The following CPLANE1 variants were observed in gnomAD, a reference collection of about 807,000 sequenced individuals.
The protein encoded by CPLANE1 is ciliogenesis and planar polarity effector complex subunit 1.
A neutral mutation model predicts 362.5 loss-of-function variants in CPLANE1; 263 were observed. That is an observed-to-expected ratio of 0.73 (90% confidence interval 0.66 to 0.80). The LOEUF (loss-of-function observed/expected upper bound fraction) is 0.80. Ranked by LOEUF, CPLANE1 falls within the 30% of genes least tolerant of loss-of-function variation. The pLI is 0.00. For missense variants in CPLANE1, 3,461 were observed against 3,793.4 expected, an observed-to-expected ratio of 0.91 and a Z score of 2.30; for synonymous variants, 1,212 against 1,302.6, an observed-to-expected ratio of 0.93 and a Z score of 1.50.
intron 47 of CPLANE1, 174 bp downstream of exon 47, chr5:37,125,070 C>A: frequency 1.5e-6 from 2 of 1,367,536 alleles, no homozygotes; most frequent in Non-Finnish European, 1.9e-6. Context: ...GCACAATATG[C>A]TGCAACATTT....
intron 21 of CPLANE1, among the ~76,000 whole-genome samples, chr5:37,192,722 G>A (rs1785929841): frequency 2.0e-5 from 3 of 151,384 alleles, no homozygotes; most frequent in African/African-American, 7.3e-5. Flanking sequence ...AAATTAGCTG[G>A]GTGTGGTGGC....
chr5:37,186,408 A>T lies in CPLANE1; in HGVS notation c.4081-14T>A, dbSNP rs1784001021. ...AATTTCTGCTACCTTCAGAAAAAAAATTGTTTAAGTTTTATGAGAAACATC... is the reference window on the plus strand; with the variant it reads ...AATTTCTGCTACCTTCAGAAAAAAATTTGTTTAAGTTTTATGAGAAACATC... On this transcript the variant is annotated splice_polypyrimidine_tract_variant and intron_variant, in intron 23 of 52. Coordinates refer to ENST00000651892, the MANE Select transcript of CPLANE1 (RefSeq NM_001384732.1). The T allele has an allele frequency of 8.1e-7, 1 of 1,240,028 alleles. No individual in the cohort carries two copies. Among genetic ancestry groups the T allele is most frequent in the Non-Finnish European group, 1.2e-6 (1 of 846,562 alleles). 76.8% of individuals were successfully genotyped at this position (1,240,028 alleles called of 1,614,324 possible).
At chr5:37,185,168 C>A (rs888255700) in intron 24 of CPLANE1, 89 bp from the exon 25 acceptor site, 19 of 1,171,898 alleles carry the variant, frequency 1.6e-5, no homozygotes, top group Non-Finnish European at 2.1e-5. Flanking sequence ...CTCCTGGGGA[C>A]AAGAAACCTA....
At chr5:37,223,248 C>A (rs1003280394) in intron 14 of CPLANE1, among the ~76,000 whole-genome samples, 17 of 152,266 alleles carry the variant, frequency 1.1e-4, no homozygotes, top group African/African-American at 4.1e-4. Flanking sequence ...CCTTAATTGG[C>A]CAATCTCTAC....
rs1294490556 is a variant in CPLANE1 at position 37,221,759 on chromosome 5, G to A, written c.2582-271C>T. Among the ~76,000 whole-genome samples, 3 of 152,188 alleles carry A rather than the reference G, an allele frequency of 2.0e-5. No individual in the cohort carries two copies. In the East Asian group the frequency reaches 5.8e-4, roughly 29 times the overall value. On this transcript the variant is annotated intron_variant, in intron 14 of 52. Transcript: ENST00000651892. ...ACCAGCAGTTTCAGTCTTCAGATAT[G>A]TAAAGGCAGTTGTCAGGGGCTCCTA...
rs544240879 is a variant in CPLANE1, at chr5:37,207,641, C to T, written c.2921-1216G>A. Among the ~76,000 whole-genome samples the T allele has an allele frequency of 2.6e-5, 4 of 152,276 alleles. No individual in the cohort carries two copies. In the South Asian group the frequency reaches 8.3e-4, roughly 32 times the overall value. On this transcript the variant is annotated intron_variant, in intron 16 of 52. Coordinates refer to ENST00000651892, the MANE Select transcript of CPLANE1 (RefSeq NM_001384732.1). ...TTCACAGAACATAGGAGTTTGAACA[C>T]ATAGTTCAAAATCCATGGTTCTACG...
At chr5:37,166,226 T>C (rs536711248) in intron 35 of CPLANE1, among the ~76,000 whole-genome samples, 1 of 152,316 alleles carries the variant, frequency 6.6e-6, no homozygotes, top group Admixed American at 6.5e-5. Flanking sequence ...AATCAATATA[T>C]GCGGTAAAAC....
the CPLANE1 span, among the ~76,000 whole-genome samples, chr5:37,091,017 C>A: frequency 6.6e-6 from 1 of 152,226 alleles, no homozygotes; most frequent in East Asian, 1.9e-4. Flanking sequence ...ACTGCTTGAC[C>A]AAGCCACCCA....
At chr5:37,227,930 T>TA (rs1796814733) in intron 9 of CPLANE1, 113 bp from the exon 10 acceptor site, 15 of 964,720 alleles carry the variant, frequency 1.6e-5, no homozygotes, top group Non-Finnish European at 2.2e-5. Context: ...AGCAAGCAAG[T>TA]GAAACACACA....
intron 16 of CPLANE1, chr5:37,211,327 G>A: frequency 6.6e-7 from 1 of 1,506,972 alleles, no homozygotes; most frequent in South Asian, 1.3e-5. Flanking sequence ...TACCATCGGA[G>A]AGACATTAAA....
At chr5:37,231,977 A>G (rs13171414) in intron 8 of CPLANE1, among the ~76,000 whole-genome samples, 27,295 of 152,050 alleles carry the variant, frequency 0.18, 2,884 homozygotes, top group East Asian at 0.34. Flanking sequence ...AAATTTACCA[A>G]AGAGAAAGGA....
the CPLANE1 span, among the ~76,000 whole-genome samples, chr5:37,078,441 G>A: frequency 1.3e-5 from 2 of 152,026 alleles, no homozygotes; most frequent in African/African-American, 4.8e-5. Flanking sequence ...TATTTTATTT[G>A]TCCAGTCTAT....
intron 9 of CPLANE1, among the ~76,000 whole-genome samples, chr5:37,229,982 G>GCC (rs1797345580): frequency 6.6e-6 from 1 of 151,960 alleles, no homozygotes; most frequent in Non-Finnish European, 1.5e-5. Context: ...TTCCAGACCA[G>GCC]CCTGACCAAC....
Position 37,206,194 on chromosome 5 carries a change from T to C in CPLANE1, c.3149+3A>G, listed in dbSNP as rs1274755573. ...TATCTTAAAATTGCCTAAAAATCCA[T>C]ACCTCATGAAATTGCTATCACGTTT... On this transcript the variant is annotated splice_donor_region_variant and intron_variant, in intron 17 of 52. Coordinates refer to ENST00000651892, the MANE Select transcript of CPLANE1 (RefSeq NM_001384732.1). 1.3e-6 allele frequency: 2 copies of C among 1,541,190 alleles called. No homozygotes were observed. Among genetic ancestry groups the C allele is most frequent in the African/African-American group, 1.4e-5 (1 of 72,748 alleles).
At chr5:37,182,196 TACACACACACAC>T (rs886236800) in intron 26 of CPLANE1, among the ~76,000 whole-genome samples, 1 of 151,788 alleles carries the variant, frequency 6.6e-6, no homozygotes, top group Admixed American at 6.6e-5. Context: ...CACACACACA[TACACACACACAC>T]TCACATCCTT....
intron 16 of CPLANE1, chr5:37,211,647 G>T: frequency 2.5e-6 from 2 of 808,442 alleles, no homozygotes; most frequent in Non-Finnish European, 2.2e-6. Flanking sequence ...ATCACACATT[G>T]CTTCCCCCAG....
intron 6 of CPLANE1, among the ~76,000 whole-genome samples, chr5:37,241,360 C>T (rs1400965245): frequency 6.6e-6 from 1 of 152,088 alleles, no homozygotes; most frequent in Non-Finnish European, 1.5e-5. Flanking sequence ...GAGGCTGAGA[C>T]AGGAGAATCG....
chr5:37,243,168 A>C (rs1800947841), intron 5 of CPLANE1, 49 bp from the exon 6 acceptor site: 1 of 1,061,944 alleles, frequency 9.4e-7, no homozygotes, highest in Non-Finnish European at 1.4e-6. Flanking sequence ...CTGAAAATAA[A>C]TCAAGATACT....
chr5:37,151,974 C>T (rs371275733), intron 42 of CPLANE1, among the ~76,000 whole-genome samples: 2 of 152,024 alleles, frequency 1.3e-5, no homozygotes, highest in African/African-American at 4.8e-5. Flanking sequence ...GCCTCATAAC[C>T]TTTCAGTATA....
Sources: gnomAD v4.1 joint callset for allele counts (sites outside exome capture counted in the v4.1 genomes callset) on GRCh38, gnomAD v4.1.1 for gene constraint, MANE v1.5 for transcripts, NCBI Gene and HGNC (gene_info 2026-07-23, HGNC 2026-07-21) for gene names.